The following GNAI3 variants were observed in gnomAD, a reference collection of about 807,000 sequenced individuals.
The protein encoded by GNAI3 is G protein subunit alpha i3.
Under a neutral mutation model 41.8 loss-of-function variants are expected in GNAI3, and 12 were observed. The ratio of observed to expected loss-of-function variants is 0.29; its 90% confidence interval spans 0.18 to 0.47. GNAI3 has a LOEUF of 0.47. Among genes scored for constraint, GNAI3 ranks in the 20% least tolerant of loss-of-function variants. The probability of loss-of-function intolerance (pLI) is 1.00; values close to 1 mark genes in which losing one functional copy is unlikely to be tolerated. For synonymous variants in GNAI3, 132 were observed against 146.5 expected, an observed-to-expected ratio of 0.90 and a Z score of 0.71; for missense variants, 360 against 429.6, an observed-to-expected ratio of 0.84 and a Z score of 1.43.
At chr1:109,580,678 A>G (rs1323258527) in intron 4 of GNAI3, among the ~76,000 whole-genome samples, 5 of 152,200 alleles carry the variant, frequency 3.3e-5, no homozygotes, top group Admixed American at 2.0e-4. Context: ...ACTGTAGGCA[A>G]TTGTAACATA....
chr1:109,583,618 G>T (rs899285163), intron 5 of GNAI3, among the ~76,000 whole-genome samples: 4 of 151,990 alleles, frequency 2.6e-5, no homozygotes, highest in Non-Finnish European at 4.4e-5. Flanking sequence ...GTCTTGCTCT[G>T]TTGCCAGGCT....
chr1:109,548,860 C>T, intron 1 of GNAI3, 22 bp downstream of exon 1: 1 of 1,483,204 alleles, frequency 6.7e-7, no homozygotes, highest in Non-Finnish European at 9.4e-7. Context: ...GAGGCGGGGA[C>T]TGAGTGGTGG....
At chr1:109,555,528 A>C (rs531979700) in intron 1 of GNAI3, among the ~76,000 whole-genome samples, 7 of 152,304 alleles carry the variant, frequency 4.6e-5, no homozygotes, top group Non-Finnish European at 8.8e-5. Flanking sequence ...GGCCCTTTTC[A>C]GGAATTAAAA....
At chr1:109,586,928 G>T in intron 7 of GNAI3, 46 bp downstream of exon 7, 1 of 1,292,732 alleles carries the variant, frequency 7.7e-7, no homozygotes, top group East Asian at 2.4e-5. Context: ...ATCTTACTTA[G>T]ATCAACACTT....
intron 1 of GNAI3, among the ~76,000 whole-genome samples, chr1:109,557,910 A>G (rs1648202935): frequency 1.3e-5 from 2 of 152,204 alleles, no homozygotes; most frequent in Non-Finnish European, 2.9e-5. Context: ...CAAATTCTCT[A>G]TTAAATGCAT....
intron 1 of GNAI3, among the ~76,000 whole-genome samples, chr1:109,572,429 T>C (rs946735911): frequency 6.6e-6 from 1 of 152,194 alleles, no homozygotes; most frequent in Non-Finnish European, 1.5e-5. Context: ...TATTTCAACT[T>C]AGACAAATTC....
intron 1 of GNAI3, among the ~76,000 whole-genome samples, chr1:109,571,015 A>G (rs1331031766): frequency 6.6e-6 from 1 of 152,196 alleles, no homozygotes; most frequent in African/African-American, 2.4e-5. Context: ...AACTATTTAT[A>G]TTGCTTTATT....
rs1213179220 is a variant in GNAI3 at position 109,594,074 on chromosome 1, G to A, written c.*1752G>A. The A allele has an allele frequency of 6.6e-6, 1 of 152,554 alleles. No homozygotes were observed. Among genetic ancestry groups the A allele is most frequent in the East Asian group, 1.9e-4 (1 of 5,200 alleles). 9.5% of individuals were successfully genotyped at this position (152,554 alleles called of 1,614,324 possible). The stretch of plus-strand genomic sequence containing the variant: ...ATCATAGCTTACAGATGGTATAACT[G>A]TATTATATAATGGAATTTTCTTTAG... On this transcript the variant is annotated 3_prime_UTR_variant, in exon 9 of 9. Transcript: ENST00000369851.
chr1:109,564,494 T>C (rs1648399714), intron 1 of GNAI3, among the ~76,000 whole-genome samples: 1 of 152,192 alleles, frequency 6.6e-6, no homozygotes, highest in Admixed American at 6.5e-5. Flanking sequence ...TGTTCTCTTC[T>C]CTCCAGACCA....
At chr1:109,575,745 T>A (rs1018181311) in intron 3 of GNAI3, among the ~76,000 whole-genome samples, 1 of 152,060 alleles carries the variant, frequency 6.6e-6, no homozygotes, top group Non-Finnish European at 1.5e-5. Context: ...TTGGCCAGGC[T>A]GGTCTCGAAC....
intron 1 of GNAI3, among the ~76,000 whole-genome samples, chr1:109,560,468 T>C (rs1648280366): frequency 6.6e-6 from 1 of 152,142 alleles, no homozygotes; most frequent in South Asian, 2.1e-4. Context: ...GCACTCTATA[T>C]ATTTTAATTG....
rs550461663 is a variant in GNAI3, at chr1:109,592,945, C to G, written c.*623C>G. On this transcript the variant is annotated 3_prime_UTR_variant, in exon 9 of 9. Coordinates refer to ENST00000369851, the MANE Select transcript of GNAI3 (RefSeq NM_006496.4). ...ATGAAATTTATGTTATTATCCTGCT[C>G]AAAGTACCATTATGGTTTCCATATG... is the stretch of plus-strand genomic sequence containing the variant. 6.5e-6 allele frequency: 1 copy of G among 152,698 alleles called. No individual in the cohort carries two copies. The highest frequency in any genetic ancestry group is 2.4e-5 in the African/African-American group (1 of 41,550). The allele number at this position is 152,698 out of a possible 1,614,324, so 9.5% of individuals were successfully genotyped here. A position where few individuals can be genotyped will look rare whatever the true frequency, so the allele number is the denominator to read the frequency against.
At chr1:109,553,350 A>AT (rs1195730208) in intron 1 of GNAI3, among the ~76,000 whole-genome samples, 1 of 152,030 alleles carries the variant, frequency 6.6e-6, no homozygotes, top group Non-Finnish European at 1.5e-5. Context: ...AACATAAAAA[A>AT]AAACTTTGTT....
intron 1 of GNAI3, among the ~76,000 whole-genome samples, chr1:109,557,507 G>C (rs1192464254): frequency 1.3e-5 from 2 of 152,158 alleles, no homozygotes; most frequent in African/African-American, 4.8e-5. Flanking sequence ...GAGGTATATT[G>C]AAAGGACAAA....
Position 109,584,391 on chromosome 1 carries a change from G to C in GNAI3, c.591-1825G>C, listed in dbSNP as rs557078236. Among the ~76,000 whole-genome samples the C allele has an allele frequency of 1.4e-3, 216 of 152,310 alleles. 1 individual carries two copies. The highest frequency in any genetic ancestry group is 5.0e-3 in the African/African-American group (209 of 41,570). ...TAAGAATGAGATTTCTTTGTATAAG[G>C]TTTGTAATCTACTTATAATTAAAAG... On this transcript the variant is annotated intron_variant, in intron 5 of 8. Transcript: ENST00000369851.
rs1465904124 is a variant in GNAI3, at chr1:109,570,084, T to A, written c.119-3653T>A. ...ATGCATTTGTATTTTCTTCCCAGAG[T>A]AGAATCATTGGATTTTTTAGATATG... On this transcript the variant is annotated intron_variant, in intron 1 of 8. Transcript: ENST00000369851. Among the ~76,000 whole-genome samples the A allele has an allele frequency of 2.0e-5, 3 of 152,320 alleles. No individual in the cohort carries two copies. The South Asian group carries it at 6.2e-4, about 32-fold the overall frequency.
Position 109,586,876 on chromosome 1 carries a change from T to C in GNAI3, c.868T>C (p.Tyr290His). The C allele has an allele frequency of 6.3e-7, 1 of 1,595,782 alleles. No homozygotes were observed. The highest frequency in any genetic ancestry group is 1.3e-5 in the African/African-American group (1 of 74,584). ...TCCGTTAACTATCTGTTATCCAGAATACACAGGTAAGGGGTTATGAAAGAT... is the reference window on the plus strand; with the variant it reads ...TCCGTTAACTATCTGTTATCCAGAACACACAGGTAAGGGGTTATGAAAGAT... ...RSPLTICYPEYTGSNTYEEAA... is the reference protein window; with the variant it reads ...RSPLTICYPEHTGSNTYEEAA... The change falls in exon 7 of 9, where the codon TAC (tyrosine) becomes CAC (histidine). Residue 290 changes from tyrosine to histidine, a missense_variant. Transcript: ENST00000369851.
At chr1:109,570,336 G>A (rs917068747) in intron 1 of GNAI3, among the ~76,000 whole-genome samples, 18 of 152,144 alleles carry the variant, frequency 1.2e-4, no homozygotes, top group Non-Finnish European at 4.4e-5. Flanking sequence ...AAAGAATCAT[G>A]GTTACTAAAT....
rs188500307 is a variant in GNAI3 at position 109,580,103 on chromosome 1, A to G, written c.461+742A>G. Among the ~76,000 whole-genome samples the G allele has an allele frequency of 7.7e-4, 117 of 152,166 alleles. 1 individual carries two copies. In the East Asian group the frequency reaches 0.017, roughly 22 times the overall value. On this transcript the variant is annotated intron_variant, in intron 4 of 8. Transcript: ENST00000369851. ...TGCAAGCTCCACCTCCCAGGTTCAC[A>G]CCATTCTCCTGCCTCAGCCTCCCAA...
Sources: allele counts gnomAD v4.1 joint callset (sites outside exome capture counted in the v4.1 genomes callset), GRCh38; gene constraint gnomAD v4.1.1; transcripts MANE v1.5; gene names NCBI Gene and HGNC (gene_info 2026-07-23, HGNC 2026-07-21).